Variants in PTK2 observed in about 807,000 individuals in gnomAD.
PTK2 encodes the protein focal adhesion kinase 1.
A neutral mutation model predicts 150.1 loss-of-function variants in PTK2; 45 were observed. That is an observed-to-expected ratio of 0.30 (90% CI 0.24 to 0.38). PTK2 has a LOEUF of 0.38. Among genes scored for constraint, PTK2 ranks in the 10% least tolerant of loss-of-function variants. The pLI is 1.00. For synonymous variants in PTK2, 432 were observed against 449.2 expected, an observed-to-expected ratio of 0.96 and a Z score of 0.48; for missense variants, 919 against 1,307.3, an observed-to-expected ratio of 0.70 and a Z score of 4.58.
chr8:140,827,831 G>A (rs1044590585), intron 8 of PTK2, among the ~76,000 whole-genome samples: 7 of 152,186 alleles, frequency 4.6e-5, no homozygotes, highest in South Asian at 4.2e-4. Context: ...AAAATATAGC[G>A]GAGGAAGGCA....
intron 1 of PTK2, among the ~76,000 whole-genome samples, chr8:140,941,039 T>C (rs1001250356): frequency 1.3e-5 from 2 of 151,918 alleles, no homozygotes; most frequent in Non-Finnish European, 2.9e-5. Flanking sequence ...ACACATAAAT[T>C]CAACTGAAAT....
At chr8:140,979,038 C>G (rs2154609864) in intron 1 of PTK2, among the ~76,000 whole-genome samples, 1 of 145,470 alleles carries the variant, frequency 6.9e-6, no homozygotes, top group Admixed American at 7.2e-5. Flanking sequence ...CATGTTCTCA[C>G]TCATATGTGG....
intron 16 of PTK2, among the ~76,000 whole-genome samples, chr8:140,752,605 C>G (rs1336357256): frequency 2.0e-5 from 3 of 152,234 alleles, no homozygotes; most frequent in African/African-American, 4.8e-5. Context: ...TTGGGATACA[C>G]TGATGAACAG....
chr8:140,885,548 A>G lies in PTK2; in HGVS notation c.195+4995T>C, dbSNP rs149725675. 6.1e-3 allele frequency among the ~76,000 whole-genome samples: 927 copies of G among 152,312 alleles called. 10 individuals are homozygous for G. The highest frequency in any genetic ancestry group is 0.021 in the African/African-American group (885 of 41,578). ...AAGAAAATAAAATAGTGACAGAAAA[A>G]CAGCAATGGTGAGGCATAAGGGAGC... On this transcript the variant is annotated intron_variant, in intron 3 of 31. Coordinates refer to ENST00000522684, the Ensembl canonical transcript of PTK2.
chr8:140,675,066 CAAAAA>C (rs57165594), intron 28 of PTK2, among the ~76,000 whole-genome samples: 1 of 136,632 alleles, frequency 7.3e-6, no homozygotes. Context: ...ACTCTGTATC[CAAAAA>C]AAAAAAAAGG....
intron 2 of PTK2, among the ~76,000 whole-genome samples, chr8:140,902,924 GTTTTTTTTTTTTTT>G (rs61261890): frequency 5.1e-5 from 3 of 58,952 alleles, no homozygotes; most frequent in South Asian, 5.7e-4. Context: ...GATGAGAGTT[GTTTTTTTTTTTTTT>G]TTTTTTTTTT....
At chr8:140,829,065 C>T (rs879701893) in intron 8 of PTK2, among the ~76,000 whole-genome samples, 1 of 152,202 alleles carries the variant, frequency 6.6e-6, no homozygotes, top group Non-Finnish European at 1.5e-5. Context: ...TAATAATTCA[C>T]TGTAGTATTT....
chr8:140,767,370 TG>T (rs1433787864), intron 14 of PTK2, among the ~76,000 whole-genome samples: 1 of 152,146 alleles, frequency 6.6e-6, no homozygotes, highest in East Asian at 1.9e-4. Context: ...TGATGCAATG[TG>T]AATAGAGAAT....
At chr8:140,959,352 A>C (rs375775179) in intron 1 of PTK2, among the ~76,000 whole-genome samples, 2 of 151,424 alleles carry the variant, frequency 1.3e-5, no homozygotes, top group East Asian at 3.9e-4. Flanking sequence ...AACACAGTGA[A>C]ACCCCGTCTC....
intron 24 of PTK2, among the ~76,000 whole-genome samples, chr8:140,704,665 C>A (rs928013417): frequency 1.3e-5 from 2 of 152,136 alleles, no homozygotes; most frequent in South Asian, 4.1e-4. Context: ...TGGGGCCCAT[C>A]TGCTTGTCTG....
chr8:140,913,268 T>C (rs188058702), intron 2 of PTK2, among the ~76,000 whole-genome samples: 1 of 151,960 alleles, frequency 6.6e-6, no homozygotes, highest in East Asian at 1.9e-4. Context: ...TCTATTTCTA[T>C]ATACTAGGCC....
chr8:140,820,922 G>A (rs1310451946), intron 8 of PTK2: 1 of 152,334 alleles, frequency 6.6e-6, no homozygotes, highest in Admixed American at 6.5e-5. Context: ...GCTAAGTCAG[G>A]TACACCGTAA....
In PTK2 at chr8:140,670,473, A is replaced by C. The variant is rs1350590693; in HGVS notation, c.2710-2049T>G. Among the ~76,000 whole-genome samples, 15 of 82,504 alleles carry C rather than the reference A, an allele frequency of 1.8e-4. 1 individual carries two copies. The highest frequency in any genetic ancestry group is 3.1e-4 in the East Asian group (1 of 3,252). The allele number at this position is 82,504 out of a possible 152,430, so 54.1% of individuals were successfully genotyped here. ...CTGTGTCTCAAAAAAAAAAAAAAAA[A>C]AAAAAAAAAACAACAACACACACAC... On this transcript the variant is annotated intron_variant, in intron 29 of 31. Transcript: ENST00000522684.
chr8:140,781,469 T>C (rs1429309383), intron 14 of PTK2, among the ~76,000 whole-genome samples: 2 of 152,176 alleles, frequency 1.3e-5, no homozygotes, highest in Non-Finnish European at 2.9e-5. Context: ...TTCCCCTTTA[T>C]AGCGTGGGGG....
chr8:140,660,679 T>C (rs906933488), intron 31 of PTK2: 2 of 452,240 alleles, frequency 4.4e-6, no homozygotes, highest in African/African-American at 4.0e-5. Context: ...TGAGCCAAGA[T>C]CGTGCCATTG....
At position 140,995,092 on chromosome 8, in the gene PTK2, A is replaced by AT. The variant is rs542773729; in HGVS notation, c.-122+6032_-122+6033insA. 5.0e-3 allele frequency among the ~76,000 whole-genome samples: 759 copies of AT among 151,608 alleles called. 5 individuals carry two copies. The highest frequency in any genetic ancestry group is 8.6e-3 in the Non-Finnish European group (585 of 67,834). ...GAGTGAAACTCTGTCTCAAAAAAAA[A>AT]AAAAAAAGGACGGGCACGTGGCTCA... On this transcript the variant is annotated intron_variant, in intron 1 of 31. Transcript: ENST00000522684.
chr8:140,744,200 G>A (rs1193660316), intron 19 of PTK2, among the ~76,000 whole-genome samples: 1 of 151,894 alleles, frequency 6.6e-6, no homozygotes, highest in African/African-American at 2.4e-5. Context: ...CAGAGACTCA[G>A]GCTATAAACA....
At chr8:140,915,122 G>A (rs1336479237) in intron 2 of PTK2, among the ~76,000 whole-genome samples, 3 of 151,544 alleles carry the variant, frequency 2.0e-5, no homozygotes, top group Non-Finnish European at 2.9e-5. Flanking sequence ...CTTGTCTCAT[G>A]GGGTGTACAT....
intron 1 of PTK2, among the ~76,000 whole-genome samples, chr8:140,933,333 G>A (rs1271669308): frequency 6.6e-6 from 1 of 152,098 alleles, no homozygotes; most frequent in Non-Finnish European, 1.5e-5. Context: ...AACAGGAGGG[G>A]CTAAAAAACT....
Sources: allele counts gnomAD v4.1 joint callset (sites outside exome capture counted in the v4.1 genomes callset), GRCh38; gene constraint gnomAD v4.1.1; transcripts MANE v1.5; gene names NCBI Gene and HGNC (gene_info 2026-07-23, HGNC 2026-07-21).